Variants in MYZAP observed in about 807,000 individuals in gnomAD.
MYZAP encodes GRINL1A complex locus upstream.
MYZAP carries 66 observed loss-of-function variants against 69.4 expected under a neutral mutation model. That is an observed-to-expected ratio of 0.95 (90% confidence interval 0.78 to 1.17). The LOEUF is 1.17. Ranked by LOEUF, MYZAP falls within the 50% of genes most tolerant of loss-of-function variation. The pLI, the probability that MYZAP is intolerant of heterozygous loss-of-function variation, is 0.00. For missense variants in MYZAP, 611 were observed against 556.2 expected (o/e 1.10, Z -0.99); for synonymous variants, 256 against 205.9 (o/e 1.24, Z -2.09).
At chr15:57,684,347 T>A in intron 12 of MYZAP, 55 bp from the exon 13 acceptor site, 2 of 1,117,710 alleles carry the variant, frequency 1.8e-6, no homozygotes, top group Non-Finnish European at 2.7e-6. Context: ...ATGTGAAGCA[T>A]ATGGGGGGTT....
chr15:57,615,817 CAG>C (rs1381045109), intron 2 of MYZAP, among the ~76,000 whole-genome samples: 7 of 152,268 alleles, frequency 4.6e-5, no homozygotes, highest in Admixed American at 4.6e-4. Context: ...GTAAGGGACT[CAG>C]GGGGAAGCAT....
chr15:57,615,388 G>T (rs2035369923), intron 2 of MYZAP, among the ~76,000 whole-genome samples: 1 of 152,136 alleles, frequency 6.6e-6, no homozygotes, highest in Admixed American at 6.5e-5. Context: ...GGGCCACTCG[G>T]GAGTGTTCCA....
chr15:57,629,731 CA>C lies in MYZAP; in HGVS notation c.556del (p.Ser186AlafsTer21). 6.2e-7 allele frequency: 1 copy of C among 1,610,460 alleles called. No homozygotes were observed. Among genetic ancestry groups the C allele is most frequent in the East Asian group, 2.2e-5 (1 of 44,848 alleles). On this transcript the variant is annotated frameshift_variant, in exon 6 of 13. Transcript: ENST00000267853. LOFTEE classifies it high-confidence loss of function. The stretch of plus-strand genomic sequence containing the variant: ...CCCTCGTGGATGTGACTTTGGAAAA[CA>C]GCAACATTAAGGATCAAATCAGAAA... ...KTLVDVTLEN[S>X]NIKDQIRNLQ... is the part of the protein sequence containing the mutation.
intron 11 of MYZAP, among the ~76,000 whole-genome samples, chr15:57,667,944 C>G (rs1292757491): frequency 1.3e-5 from 2 of 151,952 alleles, no homozygotes; most frequent in Admixed American, 6.6e-5. Context: ...AATTCTTGAT[C>G]TTTTTTTTCT....
At chr15:57,673,350 G>T (rs1200659994) in intron 11 of MYZAP, among the ~76,000 whole-genome samples, 1 of 152,136 alleles carries the variant, frequency 6.6e-6, no homozygotes, top group Admixed American at 6.5e-5. Flanking sequence ...GCAAAGGCAG[G>T]CGTCTTCTGC....
intron 2 of MYZAP, among the ~76,000 whole-genome samples, chr15:57,614,339 A>T (rs1390354389): frequency 2.0e-5 from 3 of 152,222 alleles, no homozygotes; most frequent in African/African-American, 7.2e-5. Context: ...TTTACAGTTG[A>T]TAGGGAAGCA....
At chr15:57,616,287 G>A (rs2035439223) in intron 2 of MYZAP, among the ~76,000 whole-genome samples, 1 of 152,228 alleles carries the variant, frequency 6.6e-6, no homozygotes, top group African/African-American at 2.4e-5. Flanking sequence ...GGCCAAAGCA[G>A]GCAGATCACT....
At chr15:57,623,809 A>G (rs1317250735) in intron 4 of MYZAP, among the ~76,000 whole-genome samples, 1 of 152,080 alleles carries the variant, frequency 6.6e-6, no homozygotes, top group Non-Finnish European at 1.5e-5. Flanking sequence ...AATTAAAAAA[A>G]AAAAAAAGAA....
intron 2 of MYZAP, among the ~76,000 whole-genome samples, 167 bp from the exon 3 acceptor site, chr15:57,617,866 C>G (rs1315064301): frequency 6.6e-6 from 1 of 152,168 alleles, no homozygotes; most frequent in Non-Finnish European, 1.5e-5. Context: ...TGCCAAATCA[C>G]CTTGGTGAAC....
chr15:57,678,228 G>A (rs1210281870), intron 12 of MYZAP, among the ~76,000 whole-genome samples: 2 of 151,994 alleles, frequency 1.3e-5, no homozygotes, highest in Admixed American at 6.6e-5. Context: ...CGGGTGTGGT[G>A]GTGTGCACCT....
At chr15:57,598,493 TATA>T (rs1387862241) in intron 1 of MYZAP, among the ~76,000 whole-genome samples, 3 of 152,194 alleles carry the variant, frequency 2.0e-5, no homozygotes, top group African/African-American at 7.2e-5. Flanking sequence ...CCGTAGGGGC[TATA>T]TTAAGTGGTG....
intron 1 of MYZAP, among the ~76,000 whole-genome samples, chr15:57,597,109 C>T (rs1283488291): frequency 1.3e-5 from 2 of 152,184 alleles, no homozygotes; most frequent in African/African-American, 4.8e-5. Flanking sequence ...TTCTGACCCA[C>T]CTGGGCAGGA....
Position 57,660,082 on chromosome 15 carries a change from C to G in MYZAP, c.1120-1368C>G, listed in dbSNP as rs551538162. Among the ~76,000 whole-genome samples, 3 of 152,280 alleles carry G rather than the reference C, an allele frequency of 2.0e-5. No individual in the cohort carries two copies. The East Asian group carries it at 5.8e-4, about 29-fold the overall frequency. The stretch of plus-strand genomic sequence containing the variant: ...ATTTTTTGGAAGGTTACACAGACCT[C>G]CATCATACCATGCATGGTTTAACCA... On this transcript the variant is annotated intron_variant, in intron 10 of 12. Coordinates refer to ENST00000267853, the MANE Select transcript of MYZAP (RefSeq NM_001018100.5).
chr15:57,631,896 A>G (rs1277429680), intron 6 of MYZAP, among the ~76,000 whole-genome samples: 1 of 152,154 alleles, frequency 6.6e-6, no homozygotes, highest in Non-Finnish European at 1.5e-5. Context: ...TGGCCTGGCA[A>G]ACAGGAGGCA....
Position 57,639,471 on chromosome 15 carries a change from C to G in MYZAP, c.1045C>G (p.Leu349Val), listed in dbSNP as rs752405312. ...YQQLEEASAS[L>V]RERIRHLDDM... is the part of the protein sequence containing the mutation. ...GCAGTTGGAGGAGGCATCAGCCAGC[C>G]TCCGTGAGCGGATCAGACACCTAGA... is the stretch of plus-strand genomic sequence containing the variant. The change falls in exon 10 of 13, where the codon CTC (leucine) becomes GTC (valine). Residue 349 changes from leucine (L) to valine (V), a missense_variant. Physicochemically the swap from Leu to Val is conservative, Grantham distance 32. Coordinates refer to ENST00000267853, the MANE Select transcript of MYZAP (RefSeq NM_001018100.5). 1 of 1,614,076 alleles carries G rather than the reference C, an allele frequency of 6.2e-7. No homozygotes were observed. Among genetic ancestry groups the G allele is most frequent in the Admixed American group, 1.7e-5 (1 of 60,028 alleles).
At chr15:57,664,449 G>T (rs1187180026) in intron 11 of MYZAP, among the ~76,000 whole-genome samples, 1 of 152,150 alleles carries the variant, frequency 6.6e-6, no homozygotes, top group African/African-American at 2.4e-5. Context: ...TCTCAGACTA[G>T]CTGATCATTT....
chr15:57,593,151 C>T (rs540315056), intron 1 of MYZAP, among the ~76,000 whole-genome samples: 69 of 132,066 alleles, frequency 5.2e-4, no homozygotes, highest in Middle Eastern at 4.1e-3. Context: ...TGTGTGTGTG[C>T]GTGCACTCAC....
intron 12 of MYZAP, among the ~76,000 whole-genome samples, chr15:57,677,180 G>A (rs559961757): frequency 1.3e-5 from 2 of 152,202 alleles, no homozygotes; most frequent in Non-Finnish European, 2.9e-5. Flanking sequence ...GAGAGGCTTC[G>A]GGATGCCCGG....
At chr15:57,639,318 A>G in intron 9 of MYZAP, 122 bp from the exon 10 acceptor site, 1 of 1,058,082 alleles carries the variant, frequency 9.5e-7, no homozygotes, top group Admixed American at 2.2e-5. Context: ...AAGTGTTGGG[A>G]TTACAGGCAT....
Sources: allele counts gnomAD v4.1 joint callset (sites outside exome capture counted in the v4.1 genomes callset), GRCh38; gene constraint gnomAD v4.1.1; transcripts MANE v1.5; gene names NCBI Gene and HGNC (gene_info 2026-07-23, HGNC 2026-07-21).